The following USH2A variants were observed in gnomAD, a reference collection of about 807,000 sequenced individuals.
USH2A encodes the protein usherin.
USH2A carries 443 observed loss-of-function variants against 538.9 expected under a neutral mutation model. That is an observed-to-expected ratio of 0.82 (90% CI 0.76 to 0.89). USH2A has a LOEUF of 0.89. Among genes scored for constraint, USH2A ranks in the 40% least tolerant of loss-of-function variants. USH2A has a pLI of 0.00. For missense variants in USH2A, 6,633 were observed against 6,324.8 expected, an observed-to-expected ratio of 1.05 and a Z score of -1.65; for synonymous variants, 2,413 against 2,273.5, an observed-to-expected ratio of 1.06 and a Z score of -1.75.
At chr1:215,721,127 T>A (rs1271048096) in intron 61 of USH2A, among the ~76,000 whole-genome samples, 1 of 152,250 alleles carries the variant, frequency 6.6e-6, no homozygotes, top group Middle Eastern at 3.4e-3. Flanking sequence ...CAGGCTGGAA[T>A]GCAATGGTGC....
chr1:216,110,677 T>G (rs2032846101), intron 21 of USH2A, among the ~76,000 whole-genome samples: 1 of 152,190 alleles, frequency 6.6e-6, no homozygotes, highest in South Asian at 2.1e-4. Flanking sequence ...TCTACAGCTA[T>G]AAAATAGCAA....
intron 11 of USH2A, among the ~76,000 whole-genome samples, chr1:216,263,637 T>G (rs1414683021): frequency 6.6e-6 from 1 of 152,138 alleles, no homozygotes; most frequent in Non-Finnish European, 1.5e-5. Flanking sequence ...AAAGGCCATA[T>G]ATGACAAACC....
intron 20 of USH2A, among the ~76,000 whole-genome samples, chr1:216,177,363 C>CA (rs896598632): frequency 6.6e-6 from 1 of 152,056 alleles, no homozygotes; most frequent in African/African-American, 2.4e-5. Flanking sequence ...CTTCTTTGGT[C>CA]AAAAAAGCTC....
At position 216,089,114 on chromosome 1, in the gene USH2A, G is replaced by A. The variant is rs1037289217; in HGVS notation, c.4784C>T (p.Thr1595Ile). 39 of 1,612,978 alleles carry A rather than the reference G, an allele frequency of 2.4e-5. No individual in the cohort carries two copies. Among genetic ancestry groups the A allele is most frequent in the Non-Finnish European group, 3.1e-5 (37 of 1,179,372 alleles). The change falls in exon 23 of 72, where the codon ACT becomes ATT. Residue 1595 changes from threonine to isoleucine, a missense_variant. Transcript: ENST00000307340. Reference sequence around the variant, plus strand: ...ACTATATTGTTTGCCATGATCATTAGTTGTAGTTACTTCCACTGGTGACCC... The same window carrying A: ...ACTATATTGTTTGCCATGATCATTAATTGTAGTTACTTCCACTGGTGACCC... ...PQGSPVEVTT[T>I]NDHGKQYSDG...
chr1:216,200,889 G>A (rs1265372629), intron 16 of USH2A, among the ~76,000 whole-genome samples: 3 of 151,922 alleles, frequency 2.0e-5, no homozygotes, highest in Non-Finnish European at 4.4e-5. Flanking sequence ...GATGCGAGGA[G>A]GGTTCCATTA....
At chr1:215,770,942 T>TAAAAA (rs59409812) in intron 55 of USH2A, among the ~76,000 whole-genome samples, 1 of 65,874 alleles carries the variant, frequency 1.5e-5, no homozygotes. Context: ...CCGTCTCTAC[T>TAAAAA]AAAAAAAAAA....
chr1:216,111,819 A>G lies in USH2A; in HGVS notation c.4628-14606T>C, dbSNP rs188772072. Among the ~76,000 whole-genome samples, 150 of 151,694 alleles carry G rather than the reference A, an allele frequency of 9.9e-4. 1 individual carries two copies. Among genetic ancestry groups the G allele is most frequent in the African/African-American group, 3.5e-3 (145 of 41,334 alleles). ...GGTATTTTCTTATTCTTGCACACATAAAGACAGCAGAAACCCCTTGGTTTC... is the reference window on the plus strand; with the variant it reads ...GGTATTTTCTTATTCTTGCACACATGAAGACAGCAGAAACCCCTTGGTTTC... On this transcript the variant is annotated intron_variant, in intron 21 of 71. Transcript: ENST00000307340.
At position 215,647,670 on chromosome 1, in the gene USH2A, G is replaced by T. The variant is rs764036605; in HGVS notation, c.14643C>A (p.Ser4881Arg). The T allele has an allele frequency of 3.1e-6, 5 of 1,614,202 alleles. No homozygotes were observed. The East Asian group carries it at 6.7e-5, about 22-fold the overall frequency. Residue 4881 changes from serine (S) to arginine (R), a missense_variant, in exon 67 of 72, where the codon AGC becomes AGA. By Grantham distance (110) the Ser-to-Arg change is moderately radical. Transcript: ENST00000307340. ...PPDSALPCTP[S>R]QIETKYTGLG... ...GCCCCGTGTACTTTGTTTCTATTTG[G>T]CTGGGAGTACAGGGGAGGGCTGAGT...
intron 7 of USH2A, 148 bp downstream of exon 7, chr1:216,324,020 A>C (rs2037673757): frequency 1.2e-6 from 1 of 843,748 alleles, no homozygotes; most frequent in Non-Finnish European, 1.8e-6. Flanking sequence ...CATAGTTTTA[A>C]GCCCAATTTA....
intron 61 of USH2A, among the ~76,000 whole-genome samples, chr1:215,691,742 A>G (rs1398128355): frequency 6.6e-6 from 1 of 152,142 alleles, no homozygotes; most frequent in Non-Finnish European, 1.5e-5. Context: ...CTAAACCCCA[A>G]ATGCCTCTAA....
chr1:216,251,522 C>T (rs1188052122), intron 11 of USH2A, among the ~76,000 whole-genome samples: 1 of 133,286 alleles, frequency 7.5e-6, no homozygotes, highest in Non-Finnish European at 1.5e-5. Flanking sequence ...TCAATCTCGG[C>T]TCACTGCAAG....
At chr1:216,141,156 G>A (rs2033594701) in intron 21 of USH2A, among the ~76,000 whole-genome samples, 1 of 152,170 alleles carries the variant, frequency 6.6e-6, no homozygotes, top group South Asian at 2.1e-4. Flanking sequence ...GTAAGACATG[G>A]AGTATATTAT....
rs114184922 is a variant in USH2A, at chr1:215,897,819, G to C, written c.7594+2256C>G. 8.9e-3 allele frequency among the ~76,000 whole-genome samples: 1,360 copies of C among 152,144 alleles called. 15 individuals carry two copies. Among genetic ancestry groups the C allele is most frequent in the African/African-American group, 0.031 (1,287 of 41,546 alleles). On this transcript the variant is annotated intron_variant, in intron 40 of 71. Transcript: ENST00000307340. ...AAGAAACAAAGAAAGAAGAAAGAAA[G>C]AGAAAGAAAATTGCACTTTGGTGAG...
chr1:215,650,852 G>GTAA, intron 64 of USH2A, 51 bp from the exon 65 acceptor site: 1 of 1,470,900 alleles, frequency 6.8e-7, no homozygotes, highest in African/African-American at 1.6e-5. Context: ...CCTAAGGCTG[G>GTAA]GAAAAAAAAA....
chr1:216,188,405 G>T (rs1249411895), intron 20 of USH2A, among the ~76,000 whole-genome samples: 3 of 151,624 alleles, frequency 2.0e-5, no homozygotes, highest in Non-Finnish European at 2.9e-5. Flanking sequence ...TCATCTACAA[G>T]AATTATACTA....
Position 216,247,144 on chromosome 1 carries a change from G to T in USH2A, c.2250C>A (p.Asn750Lys), listed in dbSNP as rs2036067730. Residue 750 changes from asparagine to lysine, a missense_variant, in exon 13 of 72, where the codon AAC (asparagine) becomes AAA (lysine). By Grantham distance (94) the Asn-to-Lys change is moderately conservative. Transcript: ENST00000307340. ...AGAATTTGTTCACTGAGCCATGGAGGTTACACTGGCAGGGCTCACATCCAA... is the reference window on the plus strand; with the variant it reads ...AGAATTTGTTCACTGAGCCATGGAGTTTACACTGGCAGGGCTCACATCCAA... ...NDVGCEPCQCNLHGSVNKFCN... is the reference protein window; with the variant it reads ...NDVGCEPCQCKLHGSVNKFCN... 3 of 1,613,908 alleles carry T rather than the reference G, an allele frequency of 1.9e-6. No homozygotes were observed. The highest frequency in any genetic ancestry group is 1.3e-5 in the African/African-American group (1 of 74,914).
At chr1:216,218,570 C>A (rs1293004847) in intron 14 of USH2A, among the ~76,000 whole-genome samples, 10 of 152,082 alleles carry the variant, frequency 6.6e-5, no homozygotes, top group Admixed American at 6.6e-4. Context: ...CTTGGGTAAT[C>A]ATTCAACACC....
At position 215,801,280 on chromosome 1, in the gene USH2A, T is replaced by C. The variant is rs146719625; in HGVS notation, c.9740-2155A>G. On this transcript the variant is annotated intron_variant, in intron 49 of 71. Transcript: ENST00000307340. Reference sequence around the variant, plus strand: ...GTATTCTACATAATATTGGATATTATGGCTAGAGCAATAGGCAAGAGAAAA... The same window carrying C: ...GTATTCTACATAATATTGGATATTACGGCTAGAGCAATAGGCAAGAGAAAA... Among the ~76,000 whole-genome samples, 504 of 151,798 alleles carry C rather than the reference T, an allele frequency of 3.3e-3. 4 individuals carry two copies. Among genetic ancestry groups the C allele is most frequent in the African/African-American group, 0.012 (478 of 41,410 alleles).
rs185979768 is a variant in USH2A at position 216,160,067 on chromosome 1, G to T, written c.4627+15185C>A. 1.7e-3 allele frequency among the ~76,000 whole-genome samples: 260 copies of T among 151,816 alleles called. 1 individual carries two copies. Among genetic ancestry groups the T allele is most frequent in the African/African-American group, 6.0e-3 (247 of 41,298 alleles). On this transcript the variant is annotated intron_variant, in intron 21 of 71. Coordinates refer to ENST00000307340, the MANE Select transcript of USH2A (RefSeq NM_206933.4). The stretch of plus-strand genomic sequence containing the variant: ...TCTCCTTTCCTTGATCACTTGCAAA[G>T]AAATTTTTCCCCAAATTTTCTAGAA...
Sources: allele counts gnomAD v4.1 joint callset (sites outside exome capture counted in the v4.1 genomes callset), GRCh38; gene constraint gnomAD v4.1.1; transcripts MANE v1.5; gene names NCBI Gene and HGNC (gene_info 2026-07-23, HGNC 2026-07-21).